Variants in WHR1 observed in about 807,000 individuals in gnomAD.
WHR1 encodes MHC class III HLA-RP1.
chr6:31,981,169 G>A, the WHR1 span: 1 of 280,686 alleles, frequency 3.6e-6, no homozygotes, highest in Non-Finnish European at 6.1e-6. Context: ...ATGAGTGTCG[G>A]GCTCTCGTGT....
the WHR1 span, chr6:31,973,355 A>G: frequency 4.4e-6 from 1 of 229,066 alleles, no homozygotes; most frequent in Non-Finnish European, 8.9e-6. Context: ...TTGATGGTGC[A>G]TGTGGAGCAT....
chr6:31,978,834 A>T, the WHR1 span: 4 of 1,435,038 alleles, frequency 2.8e-6, no homozygotes, highest in Non-Finnish European at 3.8e-6. Flanking sequence ...CCTGCCTGAG[A>T]GCGCCCAGAG....
the WHR1 span, chr6:31,971,812 C>G: frequency 7.6e-7 from 1 of 1,322,940 alleles, no homozygotes; most frequent in East Asian, 2.5e-5. This position sits in a 1 kb window ranked among gnomAD's most constrained non-coding sequence, Gnocchi z 4.5. Flanking sequence ...TCAGACGCCA[C>G]CGCGGCCAAG....
At chr6:31,971,347 A>G in the WHR1 span, 12 of 1,552,520 alleles carry the variant, frequency 7.7e-6, no homozygotes, top group Non-Finnish European at 1.0e-5. The surrounding 1 kb of genome is among the most constrained non-coding windows in gnomAD (Gnocchi z 4.5). Flanking sequence ...GTGTTCCAGG[A>G]GCCAGCACAG....
chr6:31,973,672 T>A, the WHR1 span, among the ~76,000 whole-genome samples: 1 of 152,136 alleles, frequency 6.6e-6, no homozygotes, highest in African/African-American at 2.4e-5. Flanking sequence ...GACTCCAGGT[T>A]TAGAGTGGAA....
the WHR1 span, chr6:31,971,854 C>T: frequency 7.2e-7 from 1 of 1,386,432 alleles, no homozygotes; most frequent in Admixed American, 2.6e-5. This position sits in a 1 kb window ranked among gnomAD's most constrained non-coding sequence, Gnocchi z 4.5. Context: ...TGCCCTTCAC[C>T]CACCCTCCCT....
At chr6:31,971,244 A>C in the WHR1 span, 2 of 1,545,592 alleles carry the variant, frequency 1.3e-6, no homozygotes, top group Non-Finnish European at 1.7e-6. This position sits in a 1 kb window ranked among gnomAD's most constrained non-coding sequence, Gnocchi z 4.5. Context: ...ACTGATTCTC[A>C]CCCCGGCTTT....
the WHR1 span, chr6:31,979,527 C>G: frequency 6.2e-7 from 1 of 1,612,816 alleles, no homozygotes; most frequent in African/African-American, 1.3e-5. Flanking sequence ...TGACACAGAC[C>G]TTTGGCTTCA....
At chr6:31,971,744 T>C in the WHR1 span, 27 of 1,483,764 alleles carry the variant, frequency 1.8e-5, no homozygotes, top group Non-Finnish European at 2.4e-5. The surrounding 1 kb of genome is among the most constrained non-coding windows in gnomAD (Gnocchi z 4.5). Context: ...GGATGACTGG[T>C]TTAGGACTAA....
At chr6:31,976,136 T>C in the WHR1 span, among the ~76,000 whole-genome samples, 1 of 140,504 alleles carries the variant, frequency 7.1e-6, no homozygotes, top group Non-Finnish European at 1.5e-5. Flanking sequence ...CGTGGGGGGC[T>C]GACCCCCCCA....
At chr6:31,978,851 A>C in the WHR1 span, 3 of 1,569,060 alleles carry the variant, frequency 1.9e-6, no homozygotes, top group Non-Finnish European at 2.6e-6. Flanking sequence ...AGAGTATAGC[A>C]GAGCATCTTA....
the WHR1 span, chr6:31,971,236 T>C: frequency 6.4e-7 from 1 of 1,553,136 alleles, no homozygotes; most frequent in Non-Finnish European, 8.7e-7. The surrounding 1 kb of genome is among the most constrained non-coding windows in gnomAD (Gnocchi z 4.5). Flanking sequence ...TTCTAAGGAC[T>C]GATTCTCACC....
At chr6:31,971,571 G>C in the WHR1 span, 2 of 1,614,122 alleles carry the variant, frequency 1.2e-6, no homozygotes, top group Non-Finnish European at 1.7e-6. The surrounding 1 kb of genome is among the most constrained non-coding windows in gnomAD (Gnocchi z 4.5). Context: ...GCCCAGAGTA[G>C]AGGGCAGGGT....
the WHR1 span, chr6:31,971,178 T>C: frequency 5.6e-6 from 9 of 1,605,020 alleles, no homozygotes; most frequent in Non-Finnish European, 7.7e-6. This position sits in a 1 kb window ranked among gnomAD's most constrained non-coding sequence, Gnocchi z 4.5. Flanking sequence ...GCTGAAGGTC[T>C]GACACAAGCA....
chr6:31,976,097 ACCTC>A, the WHR1 span, among the ~76,000 whole-genome samples: 552 of 101,374 alleles, frequency 5.4e-3, 4 homozygotes, highest in African/African-American at 0.019. Flanking sequence ...CTGACCCCCC[ACCTC>A]CCTCCCGGAC....
chr6:31,971,713 C>T, the WHR1 span: 2 of 1,562,466 alleles, frequency 1.3e-6, no homozygotes, highest in Non-Finnish European at 1.7e-6. The surrounding 1 kb of genome is among the most constrained non-coding windows in gnomAD (Gnocchi z 4.5). Context: ...AGTTTCCATT[C>T]TACAGAGGAG....
chr6:31,976,442 G>T, the WHR1 span, among the ~76,000 whole-genome samples: 1 of 151,250 alleles, frequency 6.6e-6, no homozygotes, highest in Non-Finnish European at 1.5e-5. Context: ...TCACATCCCA[G>T]ACGGGGCGGC....
At chr6:31,979,386 G>A in the WHR1 span, 4 of 1,612,304 alleles carry the variant, frequency 2.5e-6, no homozygotes, top group Non-Finnish European at 3.4e-6. Flanking sequence ...GGGTGGGGAT[G>A]GACCATGTCT....
the WHR1 span, chr6:31,971,548 T>C: frequency 6.2e-7 from 1 of 1,614,048 alleles, no homozygotes; most frequent in Non-Finnish European, 8.5e-7. This position sits in a 1 kb window ranked among gnomAD's most constrained non-coding sequence, Gnocchi z 4.5. Context: ...AGGGCGCCGG[T>C]AGAAAGGAAA....
Sources: gnomAD v4.1 joint callset for allele counts (sites outside exome capture counted in the v4.1 genomes callset) on GRCh38, gnomAD v4.1.1 for gene constraint, Gnocchi (gnomAD v3.1) non-coding constraint, MANE v1.5 for transcripts, NCBI Gene and HGNC (gene_info 2026-07-23, HGNC 2026-07-21) for gene names.